Variants in DZIP3 observed in about 807,000 individuals in gnomAD.
DZIP3 encodes the protein DAZ interacting zinc finger protein 3.
In DZIP3, 118 loss-of-function variants were observed where a neutral mutation model predicts 162.0. The ratio of observed to expected loss-of-function variants is 0.73; its 90% CI spans 0.63 to 0.85. The LOEUF (loss-of-function observed/expected upper bound fraction) is 0.85. DZIP3 is among the 40% of genes least tolerant of loss of function. The pLI is 0.00. For missense variants in DZIP3, 1,331 were observed against 1,407.0 expected, an observed-to-expected ratio of 0.95 and a Z score of 0.86; for synonymous variants, 438 against 458.6, an observed-to-expected ratio of 0.96 and a Z score of 0.57.
At chr3:108,622,880 C>CTCTCTCTCTCTCTCTCTCTCTCTGTGTG (rs796232998) in intron 5 of DZIP3, among the ~76,000 whole-genome samples, 8 of 53,096 alleles carry the variant, frequency 1.5e-4, no homozygotes, top group Admixed American at 4.7e-4. Flanking sequence ...CTCTCTCTCT[C>CTCTCTCTCTCTCTCTCTCTCTCTGTGTG]TGTGTGTGTG....
intron 1 of DZIP3, among the ~76,000 whole-genome samples, chr3:108,597,363 T>A (rs1357188166): frequency 6.6e-6 from 1 of 152,204 alleles, no homozygotes. Context: ...ATCTCAAATC[T>A]AATCACATCT....
In DZIP3 at chr3:108,628,828, A is replaced by G. The variant is rs374829964; in HGVS notation, c.582-234A>G. 1.1e-4 allele frequency among the ~76,000 whole-genome samples: 16 copies of G among 152,130 alleles called. 1 individual carries two copies. The highest frequency in any genetic ancestry group is 6.5e-4 in the Admixed American group (10 of 15,272). On this transcript the variant is annotated intron_variant, in intron 7 of 32. Transcript: ENST00000361582. ...CAACTCTACAGTCCCTTTAATTACC[A>G]TGGCCCCCATACTGTTCAAGCTTGA...
At chr3:108,621,890 A>G (rs887955079) in intron 5 of DZIP3, among the ~76,000 whole-genome samples, 2 of 152,156 alleles carry the variant, frequency 1.3e-5, no homozygotes, top group Non-Finnish European at 2.9e-5. Flanking sequence ...TAACGAAAAT[A>G]TGGTACATAT....
intron 24 of DZIP3, among the ~76,000 whole-genome samples, chr3:108,675,055 T>C (rs989547506): frequency 2.6e-5 from 4 of 151,942 alleles, no homozygotes; most frequent in African/African-American, 9.7e-5. Context: ...GAGATTATGT[T>C]AGTGATAACT....
intron 14 of DZIP3, among the ~76,000 whole-genome samples, chr3:108,646,238 T>C (rs1576410522): frequency 3.3e-5 from 5 of 152,338 alleles, no homozygotes; most frequent in Admixed American, 3.3e-4. Context: ...GAGCAAGTGA[T>C]GATCAGATAA....
chr3:108,631,093 T>TCC (rs1576386158), intron 8 of DZIP3, among the ~76,000 whole-genome samples: 9 of 144,808 alleles, frequency 6.2e-5, no homozygotes, highest in African/African-American at 2.1e-4. Flanking sequence ...TCTCTCTCTC[T>TCC]CCTATCCTAC....
chr3:108,681,523 G>A (rs943145932), intron 26 of DZIP3, among the ~76,000 whole-genome samples: 4 of 152,150 alleles, frequency 2.6e-5, no homozygotes, highest in East Asian at 1.9e-4. Flanking sequence ...ACAGTGTGAC[G>A]ATTCCTCAAG....
intron 21 of DZIP3, among the ~76,000 whole-genome samples, chr3:108,662,729 C>T (rs1447701523): frequency 6.6e-6 from 1 of 152,082 alleles, no homozygotes; most frequent in African/African-American, 2.4e-5. Context: ...CCCCCCTTAC[C>T]CCAATCTCTT....
chr3:108,651,368 C>T (rs1466328976), intron 18 of DZIP3, among the ~76,000 whole-genome samples: 2 of 151,526 alleles, frequency 1.3e-5, no homozygotes, highest in African/African-American at 2.4e-5. Flanking sequence ...TTATCATTTG[C>T]TTTGGAAGAA....
At chr3:108,624,587 A>G in intron 6 of DZIP3, 63 bp downstream of exon 6, 1 of 861,924 alleles carries the variant, frequency 1.2e-6, no homozygotes, top group East Asian at 2.9e-5. Context: ...CAGGCCAAAG[A>G]TTATAATATG....
chr3:108,617,694 C>G (rs1401271513), intron 5 of DZIP3, among the ~76,000 whole-genome samples: 2 of 152,140 alleles, frequency 1.3e-5, no homozygotes, highest in Non-Finnish European at 2.9e-5. Context: ...GGGTGAGTTA[C>G]ACCATTCAGA....
rs796232998 is a variant in DZIP3, at chr3:108,622,880, C to CTCTCTCTCTGTGTG, written c.376-1563_376-1562insCTCTCTCTGTGTGT. Among the ~76,000 whole-genome samples, 289 of 53,072 alleles carry CTCTCTCTCTGTGTG rather than the reference C, an allele frequency of 5.4e-3. 6 individuals are homozygous for CTCTCTCTCTGTGTG. The highest frequency in any genetic ancestry group is 0.012 in the Middle Eastern group (1 of 86). 34.8% of individuals were successfully genotyped at this position (53,072 alleles called of 152,430 possible). A position where few individuals can be genotyped will look rare whatever the true frequency, so the allele number is the denominator to read the frequency against. Reference sequence around the variant, plus strand: ...TCTCTCTCTCTCTCTCTCTCTCTCTCTGTGTGTGTGTGTGTGTATGGAGCT... The same window carrying CTCTCTCTCTGTGTG: ...TCTCTCTCTCTCTCTCTCTCTCTCTCTCTCTCTCTGTGTGTGTGTGTGTGTGTGTGTATGGAGCT... On this transcript the variant is annotated intron_variant, in intron 5 of 32. Transcript: ENST00000361582.
chr3:108,599,966 C>T (rs1939914555), intron 1 of DZIP3, among the ~76,000 whole-genome samples: 1 of 152,152 alleles, frequency 6.6e-6, no homozygotes. Flanking sequence ...TCAAAAGCCA[C>T]AAAGAATGGC....
At chr3:108,671,962 A>G (rs1001209524) in intron 22 of DZIP3, among the ~76,000 whole-genome samples, 1 of 151,890 alleles carries the variant, frequency 6.6e-6, no homozygotes, top group African/African-American at 2.4e-5. Flanking sequence ...TAAAAATAGA[A>G]TTGTATCTCT....
chr3:108,592,522 C>T lies in DZIP3; in HGVS notation c.-73+2683C>T, dbSNP rs115994184. On this transcript the variant is annotated intron_variant, in intron 1 of 32. Transcript: ENST00000361582. ...CAGCTTGGGCAATATGGTGAAACCC[C>T]ACCTCTACTAAAAATACAGAAAATT... Among the ~76,000 whole-genome samples, 795 of 151,886 alleles carry T rather than the reference C, an allele frequency of 5.2e-3. 6 individuals are homozygous for T. Among genetic ancestry groups the T allele is most frequent in the African/African-American group, 0.019 (767 of 41,402 alleles).
chr3:108,620,682 C>T (rs1171047589), intron 5 of DZIP3, among the ~76,000 whole-genome samples: 1 of 152,150 alleles, frequency 6.6e-6, no homozygotes, highest in African/African-American at 2.4e-5. Context: ...TTTGCATAGA[C>T]CATTTTTATA....
chr3:108,689,593 A>C (rs1043531916), intron 31 of DZIP3, among the ~76,000 whole-genome samples: 1 of 152,190 alleles, frequency 6.6e-6, no homozygotes, highest in African/African-American at 2.4e-5. Context: ...AGGCTGAGGC[A>C]GGAGAATGGT....
At chr3:108,628,076 A>C (rs1941667948) in intron 7 of DZIP3, among the ~76,000 whole-genome samples, 1 of 151,782 alleles carries the variant, frequency 6.6e-6, no homozygotes. Context: ...ATGGGGTTTC[A>C]CTATGTTGGT....
chr3:108,643,704 A>G (rs1029378224), intron 13 of DZIP3, among the ~76,000 whole-genome samples: 2 of 151,844 alleles, frequency 1.3e-5, no homozygotes, highest in African/African-American at 4.8e-5. Flanking sequence ...CGCATTTCCA[A>G]TGCTCAGTGA....
Sources: gnomAD v4.1 joint callset for allele counts (sites outside exome capture counted in the v4.1 genomes callset) on GRCh38, gnomAD v4.1.1 for gene constraint, MANE v1.5 for transcripts, NCBI Gene and HGNC (gene_info 2026-07-23, HGNC 2026-07-21) for gene names.